Variants in NT5DC3 observed in about 807,000 individuals in gnomAD.
The protein encoded by NT5DC3 is 5'-nucleotidase domain containing 3.
A neutral mutation model predicts 67.8 loss-of-function variants in NT5DC3; 42 were observed. The ratio of observed to expected loss-of-function variants is 0.62; its 90% CI spans 0.48 to 0.80. The LOEUF is 0.80. Among genes scored for constraint, NT5DC3 ranks in the 30% least tolerant of loss-of-function variants. The pLI is 0.00. For missense variants in NT5DC3, 570 were observed against 696.4 expected, an observed-to-expected ratio of 0.82 and a Z score of 2.04; for synonymous variants, 237 against 255.6, an observed-to-expected ratio of 0.93 and a Z score of 0.69.
chr12:103,752,338 G>A, the NT5DC3 span, among the ~76,000 whole-genome samples: 1 of 152,080 alleles, frequency 6.6e-6, no homozygotes, highest in Non-Finnish European at 1.5e-5. Flanking sequence ...TTTCAGATAT[G>A]GCCAAGATCA....
intron 1 of NT5DC3, among the ~76,000 whole-genome samples, chr12:103,840,473 C>A (rs1888366112): frequency 6.7e-6 from 1 of 148,348 alleles, no homozygotes; most frequent in East Asian, 2.0e-4. Flanking sequence ...CCCACCCCCA[C>A]CAAAAGGAAA....
At chr12:103,827,715 T>G (rs1490828530) in intron 1 of NT5DC3, among the ~76,000 whole-genome samples, 1 of 152,190 alleles carries the variant, frequency 6.6e-6, no homozygotes, top group African/African-American at 2.4e-5. Context: ...GTATAAAAAT[T>G]TCCTATAAAA....
chr12:103,829,372 CTG>C (rs1257649884), intron 1 of NT5DC3, among the ~76,000 whole-genome samples: 1 of 152,248 alleles, frequency 6.6e-6, no homozygotes. Flanking sequence ...GGCCCATGAA[CTG>C]TGGTTTGCAA....
chr12:103,834,654 C>A (rs1370782), intron 1 of NT5DC3, among the ~76,000 whole-genome samples: 27,378 of 152,126 alleles, frequency 0.18, 2,602 homozygotes, highest in Middle Eastern at 0.31. Context: ...AAAACTATGT[C>A]ATTTTTCTGT....
intron 1 of NT5DC3, among the ~76,000 whole-genome samples, chr12:103,826,624 T>C (rs772486599): frequency 6.6e-6 from 1 of 152,366 alleles, no homozygotes; most frequent in Non-Finnish European, 1.5e-5. Context: ...GTGAGATCTA[T>C]GTCAGACTTT....
chr12:103,762,527 C>T, the NT5DC3 span: 4 of 1,453,256 alleles, frequency 2.8e-6, no homozygotes, highest in South Asian at 5.1e-5. Flanking sequence ...CACACAGTAG[C>T]AGGGGCGGCC....
rs1353769442 is a variant in NT5DC3 at position 103,796,894 on chromosome 12, C to A, written c.753G>T (p.Lys251Asn). The change falls in exon 6 of 14, where the codon AAG becomes AAT. Residue 251 changes from lysine (K) to asparagine (N), a missense_variant and splice_region_variant. Lys to Asn is a moderately conservative substitution (Grantham distance 94). This residue lies in a region of NT5DC3 where 466 missense variants were observed against 608.0 expected (regional missense o/e 0.77). Coordinates refer to ENST00000392876, the MANE Select transcript of NT5DC3 (RefSeq NM_001031701.3). The stretch of plus-strand genomic sequence containing the variant: ...TGTAATCTCTCACTGTGGATACAAC[C>A]TTGACATCTTTGTACAGATGCACAG... ...YEPVHLYKDVKDSIRDVHIKG... is the reference protein window; with the variant it reads ...YEPVHLYKDVNDSIRDVHIKG... 1.2e-6 allele frequency: 2 copies of A among 1,614,126 alleles called. No individual in the cohort carries two copies. Among genetic ancestry groups the A allele is most frequent in the Admixed American group, 1.7e-5 (1 of 60,016 alleles).
chr12:103,754,433 T>C, the NT5DC3 span, among the ~76,000 whole-genome samples: 1 of 152,070 alleles, frequency 6.6e-6, no homozygotes, highest in Non-Finnish European at 1.5e-5. Flanking sequence ...TTTTCTCAAT[T>C]GTATAAGGAT....
At chr12:103,839,424 T>A (rs897590655) in intron 1 of NT5DC3, among the ~76,000 whole-genome samples, 1 of 152,124 alleles carries the variant, frequency 6.6e-6, no homozygotes, top group Non-Finnish European at 1.5e-5. Context: ...AAATTTTGCA[T>A]TTTTTTGTAG....
intron 9 of NT5DC3, among the ~76,000 whole-genome samples, chr12:103,791,190 G>C (rs11111777): frequency 0.38 from 57,716 of 151,570 alleles, 11,999 homozygotes; most frequent in East Asian, 0.88. Flanking sequence ...TTGGGGGAGA[G>C]GGCTGAGACA....
intron 1 of NT5DC3, among the ~76,000 whole-genome samples, chr12:103,835,749 C>T (rs943754178): frequency 3.9e-5 from 6 of 152,334 alleles, no homozygotes; most frequent in Admixed American, 3.3e-4. Context: ...GAAAGTAACA[C>T]GGCTGTCATA....
the NT5DC3 span, among the ~76,000 whole-genome samples, chr12:103,760,881 G>A: frequency 2.0e-5 from 3 of 152,188 alleles, no homozygotes. Flanking sequence ...AAGGCACAGG[G>A]CCTCAGCTTC....
chr12:103,753,465 G>T, the NT5DC3 span: 1 of 1,424,688 alleles, frequency 7.0e-7, no homozygotes, highest in Admixed American at 1.9e-5. Context: ...AGGGAGTGCA[G>T]GTAGCTCCTG....
intron 4 of NT5DC3, among the ~76,000 whole-genome samples, chr12:103,805,934 T>C (rs1049809112): frequency 6.9e-6 from 1 of 145,628 alleles, no homozygotes; most frequent in Non-Finnish European, 1.5e-5. Flanking sequence ...CTCACCCCCA[T>C]AGCCCTCCTG....
At chr12:103,753,399 G>A in the NT5DC3 span, 3 of 1,613,204 alleles carry the variant, frequency 1.9e-6, no homozygotes, top group Admixed American at 3.3e-5. Flanking sequence ...GTCTGCAGGG[G>A]CGGAAGTGCA....
At position 103,817,561 on chromosome 12, in the gene NT5DC3, C is replaced by T. The variant is rs377535743; in HGVS notation, c.209-2440G>A. Among the ~76,000 whole-genome samples, 20 of 152,288 alleles carry T rather than the reference C, an allele frequency of 1.3e-4. No individual in the cohort carries two copies. The East Asian group carries it at 1.9e-3, about 15-fold the overall frequency. ...TATAACAGCTAATATTTATTAAGCACTTACCATGTACCACATGCTATCAAG... is the reference window on the plus strand; with the variant it reads ...TATAACAGCTAATATTTATTAAGCATTTACCATGTACCACATGCTATCAAG... On this transcript the variant is annotated intron_variant, in intron 1 of 13. Transcript: ENST00000392876.
chr12:103,755,481 C>A, the NT5DC3 span: 1 of 1,612,700 alleles, frequency 6.2e-7, no homozygotes, highest in Non-Finnish European at 8.5e-7. Context: ...ACCGCCCCAG[C>A]TACACTTCAG....
chr12:103,818,200 C>T (rs1887343001), intron 1 of NT5DC3, among the ~76,000 whole-genome samples: 1 of 152,272 alleles, frequency 6.6e-6, no homozygotes, highest in East Asian at 1.9e-4. Flanking sequence ...GCCTTTATAT[C>T]CCTACACAGA....
intron 1 of NT5DC3, among the ~76,000 whole-genome samples, chr12:103,838,303 TC>T (rs1324202447): frequency 6.6e-6 from 1 of 152,204 alleles, no homozygotes; most frequent in Non-Finnish European, 1.5e-5. Context: ...AAGGTGATCT[TC>T]CCCATCCCAT....
Sources: gnomAD v4.1 joint callset for allele counts (sites outside exome capture counted in the v4.1 genomes callset) on GRCh38, gnomAD v4.1.1 for gene constraint, gnomAD v4.1.1 regional missense constraint, MANE v1.5 for transcripts, NCBI Gene and HGNC (gene_info 2026-07-23, HGNC 2026-07-21) for gene names.